Variants in GATB observed in about 807,000 individuals in gnomAD.
The protein encoded by GATB is glutamyl-tRNA amidotransferase subunit B.
GATB carries 39 observed loss-of-function variants against 62.3 expected under a neutral mutation model. The ratio of observed to expected loss-of-function variants is 0.63; its 90% CI spans 0.48 to 0.82. GATB has a LOEUF of 0.82. Among genes scored for constraint, GATB ranks in the 40% least tolerant of loss-of-function variants. The probability of loss-of-function intolerance (pLI) is 0.00; values close to 1 mark genes in which losing one functional copy is unlikely to be tolerated. For missense variants in GATB, 670 were observed against 684.0 expected, an observed-to-expected ratio of 0.98 and a Z score of 0.23; for synonymous variants, 276 against 258.9, an observed-to-expected ratio of 1.07 and a Z score of -0.63.
intron 6 of GATB, 36 bp downstream of exon 6, chr4:151,707,951 AG>A: frequency 1.5e-6 from 2 of 1,323,750 alleles, no homozygotes. Context: ...GAGAAACAAT[AG>A]GAAGAAGGAC....
chr4:151,685,826 T>A (rs1738231495), intron 10 of GATB, among the ~76,000 whole-genome samples: 2 of 152,250 alleles, frequency 1.3e-5, no homozygotes, highest in African/African-American at 4.8e-5. Flanking sequence ...GGCGGGCTGA[T>A]CACTTGAGAT....
chr4:151,681,782 T>C (rs1220852956), intron 10 of GATB, among the ~76,000 whole-genome samples: 1 of 152,218 alleles, frequency 6.6e-6, no homozygotes, highest in Non-Finnish European at 1.5e-5. Context: ...GCAGATTCCA[T>C]GTCTAGTGAG....
intron 2 of GATB, chr4:151,724,294 T>A: frequency 6.6e-6 from 1 of 152,252 alleles, no homozygotes; most frequent in South Asian, 2.1e-4. Context: ...TTAATTCAGG[T>A]CTTTGTTTAA....
intron 2 of GATB, among the ~76,000 whole-genome samples, chr4:151,740,941 A>G (rs1348867768): frequency 1.3e-5 from 2 of 152,180 alleles, no homozygotes; most frequent in African/African-American, 2.4e-5. Context: ...CTACATATTT[A>G]TATCACCAAA....
intron 2 of GATB, among the ~76,000 whole-genome samples, chr4:151,756,433 C>T (rs555986873): frequency 3.9e-5 from 6 of 152,240 alleles, no homozygotes; most frequent in African/African-American, 1.4e-4. Context: ...AATGGCAATG[C>T]TTAATTCTGG....
intron 6 of GATB, 69 bp downstream of exon 6, chr4:151,707,919 G>T: frequency 9.8e-7 from 1 of 1,022,306 alleles, no homozygotes; most frequent in Non-Finnish European, 1.5e-6. Context: ...TAAGTTTCTG[G>T]GTTGTTTGTT....
At chr4:151,760,050 G>A (rs557604519) in intron 1 of GATB, among the ~76,000 whole-genome samples, 2 of 152,192 alleles carry the variant, frequency 1.3e-5, no homozygotes, top group Middle Eastern at 3.4e-3. Context: ...TCTAATTCAC[G>A]AAAAGAATAC....
rs1415460323 is a variant in GATB at position 151,688,666 on chromosome 4, C to A, written c.1295G>T (p.Gly432Val). 1 of 1,612,036 alleles carries A rather than the reference C, an allele frequency of 6.2e-7. No individual in the cohort carries two copies. Among genetic ancestry groups the A allele is most frequent in the Admixed American group, 1.7e-5 (1 of 59,586 alleles). Residue 432 changes from glycine (G) to valine (V), a missense_variant, in exon 10 of 13, where the codon GGC (glycine) becomes GTC (valine). Transcript: ENST00000263985. The stretch of plus-strand genomic sequence containing the variant: ...AGCGAGGTTCTGTTGCTTTAAATAG[C>A]CCAGAAAAGTGTTGAGGACCCAACT... ...VTSWVLNTFL[G>V]YLKQQNLAVS...
intron 2 of GATB, among the ~76,000 whole-genome samples, chr4:151,745,895 G>A (rs889151037): frequency 6.6e-6 from 1 of 152,152 alleles, no homozygotes; most frequent in Non-Finnish European, 1.5e-5. Flanking sequence ...TTGCATACAT[G>A]TGTGAAAAAC....
intron 2 of GATB, among the ~76,000 whole-genome samples, chr4:151,737,693 G>A (rs1739405865): frequency 6.6e-6 from 1 of 152,182 alleles, no homozygotes; most frequent in Non-Finnish European, 1.5e-5. Flanking sequence ...ATCAGGCCCA[G>A]GGTGCCCCTG....
intron 6 of GATB, 137 bp downstream of exon 6, chr4:151,707,851 C>T (rs1386552559): frequency 1.3e-5 from 8 of 622,306 alleles, no homozygotes; most frequent in Middle Eastern, 5.9e-4. Context: ...ATGAGTGAGC[C>T]GACACAGGAC....
intron 2 of GATB, among the ~76,000 whole-genome samples, chr4:151,746,258 C>T (rs998573690): frequency 3.3e-5 from 5 of 152,228 alleles, no homozygotes; most frequent in Non-Finnish European, 7.3e-5. Flanking sequence ...TGATTCTTTG[C>T]TGAAATCTCA....
At chr4:151,753,183 T>C (rs551211806) in intron 2 of GATB, among the ~76,000 whole-genome samples, 1 of 152,102 alleles carries the variant, frequency 6.6e-6, no homozygotes, top group Admixed American at 6.5e-5. Context: ...AGGGAAAGTG[T>C]GTCATGAGCT....
intron 2 of GATB, among the ~76,000 whole-genome samples, chr4:151,738,855 T>C (rs1221698398): frequency 6.6e-6 from 1 of 152,198 alleles, no homozygotes; most frequent in Non-Finnish European, 1.5e-5. Context: ...CTGGTGCTTA[T>C]ACTAAGAATA....
intron 8 of GATB, among the ~76,000 whole-genome samples, 194 bp from the exon 9 acceptor site, chr4:151,701,712 C>T (rs150700088): frequency 2.6e-5 from 4 of 152,302 alleles, no homozygotes; most frequent in Admixed American, 1.3e-4. Context: ...AAACCCACCC[C>T]TCTCCATGCT....
intron 8 of GATB, 48 bp from the exon 9 acceptor site, chr4:151,701,566 A>C (rs1738607629): frequency 2.3e-6 from 3 of 1,324,612 alleles, no homozygotes; most frequent in South Asian, 4.2e-5. Flanking sequence ...ACTTGGATTA[A>C]TGAGAAAACA....
chr4:151,704,208 T>C (rs527984103), intron 7 of GATB, among the ~76,000 whole-genome samples: 1 of 152,020 alleles, frequency 6.6e-6, no homozygotes, highest in East Asian at 1.9e-4. Context: ...AGTGAGAAAA[T>C]TAAGGCCCAA....
chr4:151,716,948 A>C lies in GATB; in HGVS notation c.568T>G (p.Leu190Val). The change falls in exon 4 of 13, where the codon TTG (leucine) becomes GTG (valine). Residue 190 changes from leucine (L) to valine (V), a missense_variant. Leu to Val is a conservative substitution (Grantham distance 32). Coordinates refer to ENST00000263985, the MANE Select transcript of GATB (RefSeq NM_004564.3). Reference protein sequence around the residue: ...PKTVRIKQIQLEQDSGKSLHD... With the variant: ...PKTVRIKQIQVEQDSGKSLHD... ...AGGCTTTTGCCACTGTCTTGCTCCA[A>C]CTGGATCTGCTTGATCCTCACCGTC... is the stretch of plus-strand genomic sequence containing the variant. The C allele has an allele frequency of 6.2e-7, 1 of 1,614,146 alleles. No individual in the cohort carries two copies. The highest frequency in any genetic ancestry group is 2.2e-5 in the East Asian group (1 of 44,876).
chr4:151,728,811 T>G (rs141094433), intron 2 of GATB, among the ~76,000 whole-genome samples: 1 of 152,244 alleles, frequency 6.6e-6, no homozygotes, highest in Non-Finnish European at 1.5e-5. Context: ...GTTGAAAGAT[T>G]TGACTATTGC....
Sources: allele counts gnomAD v4.1 joint callset (sites outside exome capture counted in the v4.1 genomes callset), GRCh38; gene constraint gnomAD v4.1.1; transcripts MANE v1.5; gene names NCBI Gene and HGNC (gene_info 2026-07-23, HGNC 2026-07-21).